KIF27: variants seen among roughly 807,000 people sequenced by gnomAD.
KIF27 encodes the protein kinesin family member 27, also known as kinesin-like protein KIF27.
In KIF27, 84 loss-of-function variants were observed where a neutral mutation model predicts 141.8. That is an observed-to-expected ratio of 0.59 (90% CI 0.50 to 0.71). The LOEUF is 0.71. Ranked by LOEUF, KIF27 falls within the 30% of genes least tolerant of loss-of-function variation. KIF27 has a pLI of 0.00. For synonymous variants in KIF27, 471 were observed against 569.5 expected (o/e 0.83, Z 2.46); for missense variants, 1,306 against 1,628.4 (o/e 0.80, Z 3.41).
chr9:83,884,226 ATCTGCTGCCAGTCAG>A (rs1371096023), intron 9 of KIF27, among the ~76,000 whole-genome samples: 2 of 151,892 alleles, frequency 1.3e-5, no homozygotes, highest in African/African-American at 4.8e-5. Flanking sequence ...GACTGTTCCC[ATCTGCTGCCAGTCAG>A]TCTCACTGGT....
In KIF27 at chr9:83,908,473, C is replaced by A; in HGVS notation, c.478G>T (p.Glu160Ter). ...TTACCTGTGTTTCCTTTTTCATCTTCTCGGATGTGAAGATCCTTCATGGAT... is the reference window on the plus strand; with the variant it reads ...TTACCTGTGTTTCCTTTTTCATCTTATCGGATGTGAAGATCCTTCATGGAT... The part of the protein sequence containing the change: ...ETSMKDLHIR[E>*]DEKGNTVIVG... The change falls in exon 3 of 18, where the codon GAA becomes TAA. Residue 160 changes from glutamate (E) to a stop codon, truncating the protein, a stop_gained. Coordinates refer to ENST00000297814, the MANE Select transcript of KIF27 (RefSeq NM_017576.4). LOFTEE classifies it high-confidence loss of function. 1 of 1,609,504 alleles carries A rather than the reference C, an allele frequency of 6.2e-7. No individual in the cohort carries two copies. The highest frequency in any genetic ancestry group is 8.5e-7 in the Non-Finnish European group (1 of 1,177,618).
chr9:83,867,879 A>G lies in KIF27; in HGVS notation c.2758-19T>C, dbSNP rs1200691191. 1 of 1,558,942 alleles carries G rather than the reference A, an allele frequency of 6.4e-7. No individual in the cohort carries two copies. Among genetic ancestry groups the G allele is most frequent in the Non-Finnish European group, 8.6e-7 (1 of 1,159,290 alleles). On this transcript the variant is annotated intron_variant, in intron 12 of 17. Coordinates refer to ENST00000297814, the MANE Select transcript of KIF27 (RefSeq NM_017576.4). Reference sequence around the variant, plus strand: ...CCAATTTCTACATTAAAATTAAAAAAAAAGTTACTTGTTTTTCCTTCTGCC... The same window carrying G: ...CCAATTTCTACATTAAAATTAAAAAGAAAGTTACTTGTTTTTCCTTCTGCC...
Position 83,911,970 on chromosome 9 carries a change from GTTA to G in KIF27, c.298+3321_299-3319del, listed in dbSNP as rs540655203. Among the ~76,000 whole-genome samples the G allele has an allele frequency of 6.8e-3, 1,032 of 152,178 alleles. 8 individuals are homozygous for G. Among genetic ancestry groups the G allele is most frequent in the Non-Finnish European group, 0.01 (690 of 68,008 alleles). On this transcript the variant is annotated intron_variant, in intron 2 of 17. Transcript: ENST00000297814. ...GGTGATGAAAACTTTGGAAATACTG[GTTA>G]TTATTGCATTAACAATTAGTATATT...
At chr9:83,860,827 C>T (rs1436762433) in intron 13 of KIF27, among the ~76,000 whole-genome samples, 5 of 151,068 alleles carry the variant, frequency 3.3e-5, no homozygotes, top group African/African-American at 1.2e-4. Flanking sequence ...TAGTTTGTGC[C>T]CTTATTTTTG....
At chr9:83,858,822 A>G (rs1483535221) in intron 14 of KIF27, 2 of 320,056 alleles carry the variant, frequency 6.2e-6, no homozygotes, top group South Asian at 3.8e-5. Context: ...GGTGCCCTCC[A>G]GAAGAGTCCC....
intron 14 of KIF27, among the ~76,000 whole-genome samples, chr9:83,857,724 C>T (rs1299039378): frequency 1.3e-5 from 2 of 152,268 alleles, no homozygotes; most frequent in Admixed American, 1.3e-4. Flanking sequence ...TTTCTTGTAT[C>T]TGCCAGTGCA....
In KIF27 at chr9:83,880,848, C is replaced by G. The variant is rs150439694; in HGVS notation, c.2446-354G>C. On this transcript the variant is annotated intron_variant, in intron 10 of 17. Transcript: ENST00000297814. Reference sequence around the variant, plus strand: ...TTTAAGAGTCACTCTTATCATATACCCCTAATCTACCTGTCCTGCTTCCCA... The same window carrying G: ...TTTAAGAGTCACTCTTATCATATACGCCTAATCTACCTGTCCTGCTTCCCA... 1.7e-3 allele frequency among the ~76,000 whole-genome samples: 260 copies of G among 152,076 alleles called. 1 individual carries two copies. Among genetic ancestry groups the G allele is most frequent in the African/African-American group, 5.8e-3 (242 of 41,476 alleles).
intron 2 of KIF27, among the ~76,000 whole-genome samples, chr9:83,909,582 C>A (rs1954928367): frequency 6.8e-6 from 1 of 147,440 alleles, no homozygotes; most frequent in South Asian, 2.1e-4. Context: ...CCACTGTACT[C>A]CAGCCTGAGC....
chr9:83,903,134 C>T lies in KIF27; in HGVS notation c.1384G>A (p.Gly462Ser), dbSNP rs1480756080. Residue 462 changes from glycine (G) to serine (S), a missense_variant, in exon 4 of 18, where the codon GGC becomes AGC. Physicochemically the swap from Gly to Ser is moderately conservative, Grantham distance 56. This residue lies in a region of KIF27 where 533 missense variants were observed against 565.6 expected (regional missense o/e 0.94). Coordinates refer to ENST00000297814, the MANE Select transcript of KIF27 (RefSeq NM_017576.4). ...GGTCCTTCTTCCAGACTTGCAGTGC[C>T]TCCGATTCCTCGAAATGAGGTGAGG... The part of the protein sequence containing the change: ...AVLTSFRGIG[G>S]TASLEEGPQH... The T allele has an allele frequency of 2.5e-6, 4 of 1,614,194 alleles. No homozygotes were observed. The highest frequency in any genetic ancestry group is 1.6e-4 in the Middle Eastern group (1 of 6,062).
intron 16 of KIF27, chr9:83,849,650 A>G (rs1948303439): frequency 6.3e-6 from 1 of 159,644 alleles, no homozygotes; most frequent in African/African-American, 2.4e-5. Flanking sequence ...AATGCATAAA[A>G]TTTTATAATC....
chr9:83,853,322 A>T (rs1268653263), intron 15 of KIF27, among the ~76,000 whole-genome samples: 1 of 152,040 alleles, frequency 6.6e-6, no homozygotes, highest in Non-Finnish European at 1.5e-5. Context: ...AATCTAGAAA[A>T]CATCCAAGAA....
intron 11 of KIF27, among the ~76,000 whole-genome samples, chr9:83,875,199 G>A (rs1033463475): frequency 6.6e-6 from 1 of 152,154 alleles, no homozygotes; most frequent in African/African-American, 2.4e-5. Context: ...TAAGTTGTTG[G>A]CAGAAGAAAT....
chr9:83,852,318 T>C (rs996976726), intron 15 of KIF27, among the ~76,000 whole-genome samples: 1 of 149,718 alleles, frequency 6.7e-6, no homozygotes, highest in African/African-American at 2.5e-5. Flanking sequence ...CCAGGTGTGG[T>C]GGCGGGCATT....
At chr9:83,877,642 GA>G (rs1307628496) in intron 11 of KIF27, among the ~76,000 whole-genome samples, 1 of 151,658 alleles carries the variant, frequency 6.6e-6, no homozygotes, top group Non-Finnish European at 1.5e-5. Context: ...AGCAACAGAA[GA>G]AAAAAATAGA....
intron 17 of KIF27, among the ~76,000 whole-genome samples, chr9:83,838,435 G>A (rs1452885411): frequency 1.3e-5 from 2 of 152,062 alleles, no homozygotes; most frequent in African/African-American, 2.4e-5. Context: ...GGGTTTCACC[G>A]TGTTAGCCAG....
chr9:83,857,612 A>C (rs1236724612), intron 14 of KIF27, among the ~76,000 whole-genome samples: 5 of 152,174 alleles, frequency 3.3e-5, no homozygotes, highest in Non-Finnish European at 7.4e-5. Flanking sequence ...TAGAAACCTA[A>C]ATGTTTCTTG....
intron 14 of KIF27, 166 bp downstream of exon 14, chr9:83,858,990 C>T (rs1949576148): frequency 9.6e-6 from 6 of 626,614 alleles, no homozygotes; most frequent in African/African-American, 3.7e-5. Flanking sequence ...TCTAGTCCAG[C>T]GTGGTTTATG....
At chr9:83,890,851 A>C (rs1465370330) in intron 6 of KIF27, among the ~76,000 whole-genome samples, 4 of 152,184 alleles carry the variant, frequency 2.6e-5, no homozygotes, top group Non-Finnish European at 5.9e-5. Flanking sequence ...CACAAACTAA[A>C]ATTTATATTG....
chr9:83,839,487 T>C (rs951127412), intron 17 of KIF27, among the ~76,000 whole-genome samples: 4 of 152,222 alleles, frequency 2.6e-5, no homozygotes, highest in Admixed American at 1.3e-4. Context: ...AGAGAGAATG[T>C]AGGTTCATAT....
Sources: gnomAD v4.1 joint callset for allele counts (sites outside exome capture counted in the v4.1 genomes callset) on GRCh38, gnomAD v4.1.1 for gene constraint, gnomAD v4.1.1 regional missense constraint, MANE v1.5 for transcripts, NCBI Gene and HGNC (gene_info 2026-07-23, HGNC 2026-07-21) for gene names.